Variants in CSMD2 observed in about 807,000 individuals in gnomAD.
The protein encoded by CSMD2 is CUB and Sushi multiple domains 2.
CSMD2 carries 130 observed loss-of-function variants against 398.5 expected under a neutral mutation model. The observed-to-expected ratio is 0.33, with a 90% CI of 0.28 to 0.38. The LOEUF (loss-of-function observed/expected upper bound fraction) is 0.38, where lower values mean the gene tolerates loss of function less well. Ranked by LOEUF, CSMD2 falls within the 10% of genes least tolerant of loss-of-function variation. The pLI, the probability that CSMD2 is intolerant of heterozygous loss-of-function variation, is 1.00. For missense variants in CSMD2, 3,829 were observed against 4,764.9 expected (o/e 0.80, Z 5.78); for synonymous variants, 1,828 against 1,908.5 (o/e 0.96, Z 1.10).
At chr1:34,154,113 G>T (rs1487712137) in intron 1 of CSMD2, among the ~76,000 whole-genome samples, 1 of 152,168 alleles carries the variant, frequency 6.6e-6, no homozygotes, top group Non-Finnish European at 1.5e-5. Context: ...AAGAAAAGAA[G>T]TTCAAACAGC....
At chr1:33,901,692 A>G (rs1259614821) in intron 5 of CSMD2, among the ~76,000 whole-genome samples, 1 of 152,234 alleles carries the variant, frequency 6.6e-6, no homozygotes, top group Non-Finnish European at 1.5e-5. Flanking sequence ...TTCCTAGTTC[A>G]GCATTGTAAT....
At position 34,127,282 on chromosome 1, in the gene CSMD2, C is replaced by T. The variant is rs762313134; in HGVS notation, c.187+37629G>A. ...TAGCTTTAAATGGCAAAGAACAGGG[C>T]GGCAGCCAGAGAGGAGTTCAGGGCC... On this transcript the variant is annotated intron_variant, in intron 1 of 70. Transcript: ENST00000373381. Among the ~76,000 whole-genome samples the T allele has an allele frequency of 3.6e-4, 55 of 152,300 alleles. 1 individual carries two copies. The highest frequency in any genetic ancestry group is 6.2e-4 in the South Asian group (3 of 4,822).
chr1:33,780,669 T>A (rs914384447), intron 12 of CSMD2, among the ~76,000 whole-genome samples: 1 of 152,222 alleles, frequency 6.6e-6, no homozygotes, highest in African/African-American at 2.4e-5. Context: ...TGCGGCAGCA[T>A]CCTCTGCTGT....
chr1:33,937,189 G>A (rs1382291804), intron 3 of CSMD2, among the ~76,000 whole-genome samples: 1 of 152,204 alleles, frequency 6.6e-6, no homozygotes, highest in African/African-American at 2.4e-5. Flanking sequence ...CAACGCAAGT[G>A]AATCTAACCC....
intron 13 of CSMD2, among the ~76,000 whole-genome samples, chr1:33,745,011 T>C (rs565678415): frequency 1.3e-5 from 2 of 152,298 alleles, no homozygotes; most frequent in South Asian, 4.1e-4. Flanking sequence ...ATGTTTACAA[T>C]GACATAATTT....
chr1:33,660,293 A>G (rs1644089690), intron 26 of CSMD2, among the ~76,000 whole-genome samples: 1 of 152,212 alleles, frequency 6.6e-6, no homozygotes, highest in Non-Finnish European at 1.5e-5. Context: ...GCAGCCACTC[A>G]ATAGGAATGG....
chr1:33,682,272 C>G (rs1056984370), intron 25 of CSMD2, among the ~76,000 whole-genome samples: 4 of 152,198 alleles, frequency 2.6e-5, no homozygotes, highest in African/African-American at 7.2e-5. Context: ...AGGGTTCACC[C>G]AGATAATCCA....
chr1:34,005,957 C>T (rs1181314554), intron 3 of CSMD2, among the ~76,000 whole-genome samples: 2 of 152,192 alleles, frequency 1.3e-5, no homozygotes, highest in African/African-American at 4.8e-5. Context: ...CTCATCCACC[C>T]CCATGCAGAC....
At position 33,635,270 on chromosome 1, in the gene CSMD2, T is replaced by A; in HGVS notation, c.5030A>T (p.Gln1677Leu). Residue 1677 changes from glutamine to leucine, a missense_variant, in exon 31 of 71, where the codon CAG (glutamine) becomes CTG (leucine). Gln to Leu is a moderately radical substitution (Grantham distance 113). Coordinates refer to ENST00000373381, the MANE Select transcript of CSMD2 (RefSeq NM_001281956.2). The surrounding 1 kb of genome is among the most constrained non-coding windows in gnomAD (Gnocchi z 5.0). ...DGVVLSPNYPQNYTSGQICLY... is the reference protein window; with the variant it reads ...DGVVLSPNYPLNYTSGQICLY... ...GCAGATCTGTCCACTGGTGTAGTTC[T>A]GGGGGTAGTTGGGGGACAAGACCAC... 1 of 1,613,622 alleles carries A rather than the reference T, an allele frequency of 6.2e-7. No homozygotes were observed. Among genetic ancestry groups the A allele is most frequent in the Non-Finnish European group, 8.5e-7 (1 of 1,179,644 alleles).
At position 33,636,600 on chromosome 1, in the gene CSMD2, TGAG is replaced by T. The variant is rs779311191; in HGVS notation, c.4775-49_4775-47del. 3.2e-6 allele frequency: 5 copies of T among 1,553,382 alleles called. 1 individual carries two copies. The South Asian group carries it at 5.7e-5, about 18-fold the overall frequency. On this transcript the variant is annotated intron_variant, in intron 29 of 70. Coordinates refer to ENST00000373381, the MANE Select transcript of CSMD2 (RefSeq NM_001281956.2). This position sits in a 1 kb window ranked among gnomAD's most constrained non-coding sequence, Gnocchi z 4.8. Reference sequence around the variant, plus strand: ...CACGTGCACACACACAGAGGGCTCATGAGGAGGCTATTCTTGGGCTCCAGTGCC... The same window carrying T: ...CACGTGCACACACACAGAGGGCTCATGAGGCTATTCTTGGGCTCCAGTGCC...
At chr1:33,755,788 G>C (rs2149285480) in intron 13 of CSMD2, among the ~76,000 whole-genome samples, 1 of 151,768 alleles carries the variant, frequency 6.6e-6, no homozygotes, top group South Asian at 2.1e-4. Flanking sequence ...TGGGACTATA[G>C]GTGTGTGCCA....
intron 3 of CSMD2, among the ~76,000 whole-genome samples, chr1:33,951,443 C>T (rs79628645): frequency 0.04 from 6,108 of 152,316 alleles, 150 homozygotes; most frequent in Non-Finnish European, 0.056. Context: ...CCATCCCGGG[C>T]TGCAACCCCT....
intron 13 of CSMD2, among the ~76,000 whole-genome samples, chr1:33,756,198 C>G (rs1648988863): frequency 6.6e-6 from 1 of 152,152 alleles, no homozygotes; most frequent in South Asian, 2.1e-4. Flanking sequence ...TTTAGGGCAC[C>G]TCATCCTCAC....
chr1:33,680,014 G>A (rs1390639677), intron 25 of CSMD2, among the ~76,000 whole-genome samples: 6 of 151,644 alleles, frequency 4.0e-5, no homozygotes, highest in African/African-American at 7.3e-5. Flanking sequence ...TCTGCCTCCC[G>A]GGTTCAAGCC....
intron 7 of CSMD2, among the ~76,000 whole-genome samples, chr1:33,821,985 G>A (rs1160919284): frequency 1.3e-5 from 2 of 152,208 alleles, no homozygotes; most frequent in African/African-American, 4.8e-5. Context: ...AAGGTGAAGA[G>A]TGACAAGGAA....
chr1:33,608,776 G>T lies in CSMD2; in HGVS notation c.6343+2265C>A, dbSNP rs72890853. On this transcript the variant is annotated intron_variant, in intron 41 of 70. Transcript: ENST00000373381. ...GGCCCGGACAGAGTCTCCCTCATGG[G>T]CCTCAGAAGGAACCAACTCTGCTGA... Among the ~76,000 whole-genome samples the T allele has an allele frequency of 9.4e-3, 1,431 of 152,262 alleles. 18 individuals carry two copies. Among genetic ancestry groups the T allele is most frequent in the African/African-American group, 0.032 (1,313 of 41,530 alleles).
chr1:33,845,326 C>T (rs1661249275), intron 6 of CSMD2, among the ~76,000 whole-genome samples: 1 of 152,232 alleles, frequency 6.6e-6, no homozygotes. Flanking sequence ...TATCACTTTA[C>T]TGTGGGGAGT....
intron 6 of CSMD2, among the ~76,000 whole-genome samples, chr1:33,843,432 A>G (rs748267034): frequency 2.2e-4 from 33 of 152,124 alleles, no homozygotes; most frequent in Non-Finnish European, 3.8e-4. Context: ...CTGGGAAAAA[A>G]TCTCTGTCAA....
chr1:34,088,897 C>A, intron 2 of CSMD2, 80 bp downstream of exon 2: 1 of 1,195,452 alleles, frequency 8.4e-7, no homozygotes, highest in South Asian at 1.3e-5. Flanking sequence ...ATAAACTTTT[C>A]ACTCGAGAAA....
Sources: allele counts gnomAD v4.1 joint callset (sites outside exome capture counted in the v4.1 genomes callset), GRCh38; gene constraint gnomAD v4.1.1; non-coding constraint Gnocchi (gnomAD v3.1); transcripts MANE v1.5; gene names NCBI Gene and HGNC (gene_info 2026-07-23, HGNC 2026-07-21).